The following FAM162A variants were observed in gnomAD, a reference collection of about 807,000 sequenced individuals.
FAM162A encodes the protein protein FAM162A.
FAM162A carries 23 observed loss-of-function variants against 21.8 expected under a neutral mutation model. The ratio of observed to expected loss-of-function variants is 1.05; its 90% CI spans 0.76 to 1.49. The LOEUF (loss-of-function observed/expected upper bound fraction) is 1.49, where lower values mean the gene tolerates loss of function less well. FAM162A is among the 40% of genes most tolerant of loss of function. The pLI, the probability that FAM162A is intolerant of heterozygous loss-of-function variation, is 0.00. For synonymous variants in FAM162A, 53 were observed against 61.3 expected (o/e 0.86, Z 0.64); for missense variants, 165 against 186.4 (o/e 0.89, Z 0.67).
chr3:122,401,439 A>G (rs2075653256), intron 1 of FAM162A: 1 of 1,145,650 alleles, frequency 8.7e-7, no homozygotes, highest in Non-Finnish European at 1.1e-6. Flanking sequence ...AGGGAGAGAG[A>G]TCAGGCTTGA....
At chr3:122,390,699 T>A (rs79493664) in intron 1 of FAM162A, among the ~76,000 whole-genome samples, 18,221 of 152,224 alleles carry the variant, frequency 0.12, 1,336 homozygotes, top group East Asian at 0.32. Context: ...CACCATTACC[T>A]GGGCAATTGT....
At chr3:122,388,078 C>T (rs952993290) in intron 1 of FAM162A, among the ~76,000 whole-genome samples, 2 of 152,174 alleles carry the variant, frequency 1.3e-5, no homozygotes, top group Admixed American at 6.5e-5. Flanking sequence ...ACACAAGAAA[C>T]ATTTCTGGAA....
intron 3 of FAM162A, among the ~76,000 whole-genome samples, chr3:122,406,793 A>G (rs2075677931): frequency 6.6e-6 from 1 of 152,186 alleles, no homozygotes; most frequent in African/African-American, 2.4e-5. Context: ...ATCATTCTGA[A>G]TTGTGCTTTG....
At chr3:122,392,921 CAGTT>C (rs1340305154) in intron 1 of FAM162A, among the ~76,000 whole-genome samples, 1 of 152,068 alleles carries the variant, frequency 6.6e-6, no homozygotes, top group Non-Finnish European at 1.5e-5. Flanking sequence ...ATAAACTTAA[CAGTT>C]AGAGAGCCTG....
intron 1 of FAM162A, among the ~76,000 whole-genome samples, chr3:122,389,420 TAGATAGATAGATAGATG>T (rs1356385223): frequency 6.7e-6 from 1 of 148,278 alleles, no homozygotes; most frequent in Middle Eastern, 3.2e-3. Flanking sequence ...GATAGATAGA[TAGATAGATAGATAGATG>T]AGATAGATAG....
intron 1 of FAM162A, among the ~76,000 whole-genome samples, chr3:122,391,248 A>G (rs1358696042): frequency 6.6e-6 from 1 of 152,192 alleles, no homozygotes; most frequent in African/African-American, 2.4e-5. Context: ...GCTGAAGTGC[A>G]GTGGCATGAT....
Position 122,396,722 on chromosome 3 carries a change from A to G in FAM162A, c.35-6038A>G, listed in dbSNP as rs559922768. 2.0e-5 allele frequency among the ~76,000 whole-genome samples: 3 copies of G among 152,360 alleles called. No individual in the cohort carries two copies. In the South Asian group the frequency reaches 6.2e-4, roughly 32 times the overall value. On this transcript the variant is annotated intron_variant, in intron 1 of 4. Transcript: ENST00000477892. Reference sequence around the variant, plus strand: ...TATTCATAATAGCCAAAAAGTGGAAACCACCCAAATGTCCATTAGTTGACT... The same window carrying G: ...TATTCATAATAGCCAAAAAGTGGAAGCCACCCAAATGTCCATTAGTTGACT...
chr3:122,409,221 G>A (rs1168845298), intron 4 of FAM162A, among the ~76,000 whole-genome samples: 3 of 152,160 alleles, frequency 2.0e-5, no homozygotes, highest in Non-Finnish European at 4.4e-5. Context: ...GGTTGGAATT[G>A]TAGTACAGAT....
At chr3:122,386,570 A>AGAAAAG (rs371860244) in intron 1 of FAM162A, among the ~76,000 whole-genome samples, 1 of 150,574 alleles carries the variant, frequency 6.6e-6, no homozygotes, top group African/African-American at 2.5e-5. Flanking sequence ...AAAAAAAAAA[A>AGAAAAG]AAAAGAAAAG....
At chr3:122,391,482 A>G (rs1040363118) in intron 1 of FAM162A, among the ~76,000 whole-genome samples, 9 of 152,260 alleles carry the variant, frequency 5.9e-5, no homozygotes, top group Non-Finnish European at 1.3e-4. Context: ...TCTAATATCT[A>G]TAATAAGATA....
intron 1 of FAM162A, among the ~76,000 whole-genome samples, chr3:122,388,931 C>T (rs1219296407): frequency 6.6e-6 from 1 of 152,004 alleles, no homozygotes; most frequent in Non-Finnish European, 1.5e-5. Context: ...CGCCTGTAGT[C>T]CCAGCTACTC....
chr3:122,405,101 G>C (rs772717125), intron 3 of FAM162A, among the ~76,000 whole-genome samples: 3 of 152,204 alleles, frequency 2.0e-5, no homozygotes, highest in Non-Finnish European at 4.4e-5. Flanking sequence ...TTGAGAACCA[G>C]TGCCCTAGCC....
At chr3:122,409,633 ACTCCATGC>A (rs1470425518) in intron 4 of FAM162A, 98 bp from the exon 5 acceptor site, 19 of 893,234 alleles carry the variant, frequency 2.1e-5, no homozygotes, top group Non-Finnish European at 3.3e-5. Flanking sequence ...GCAGCAGAGG[ACTCCATGC>A]CTCCATGCCT....
At chr3:122,387,494 C>T (rs1228553374) in intron 1 of FAM162A, among the ~76,000 whole-genome samples, 1 of 152,222 alleles carries the variant, frequency 6.6e-6, no homozygotes, top group East Asian at 1.9e-4. Context: ...AGAAGGGAAT[C>T]AGCTTGCCAA....
intron 3 of FAM162A, among the ~76,000 whole-genome samples, chr3:122,404,941 G>A (rs944061671): frequency 1.7e-4 from 26 of 152,298 alleles, no homozygotes; most frequent in Admixed American, 7.8e-4. Context: ...TGTGGCAGGG[G>A]GGTGTCCTAT....
chr3:122,407,623 G>C (rs1576253976), intron 4 of FAM162A: 3 of 498,354 alleles, frequency 6.0e-6, no homozygotes, highest in East Asian at 5.9e-5. Flanking sequence ...GATTCATTTT[G>C]TGTAATGTAA....
chr3:122,407,287 G>A lies in FAM162A; in HGVS notation c.270G>A (p.Glu90=). ...GATCTCATTGTATTACTAGGTTGGA[G>A]ATGCTTGATGCTGCAAAGAACAAGA... ...EDEIPETVSL[E]MLDAAKNKMR... is the part of the protein sequence containing the mutation. The change falls in exon 4 of 5, where the codon GAG becomes GAA. Residue 90 remains glutamate (E), a synonymous_variant. Transcript: ENST00000477892. 6.2e-7 allele frequency: 1 copy of A among 1,613,712 alleles called. No homozygotes were observed. Among genetic ancestry groups the A allele is most frequent in the Non-Finnish European group, 8.5e-7 (1 of 1,179,730 alleles).
In FAM162A at chr3:122,407,281, G is replaced by A; in HGVS notation, c.264G>A (p.Ser88=). 1 of 1,613,366 alleles carries A rather than the reference G, an allele frequency of 6.2e-7. No individual in the cohort carries two copies. The highest frequency in any genetic ancestry group is 8.5e-7 in the Non-Finnish European group (1 of 1,179,414). ...TCTCATGATCTCATTGTATTACTAG[G>A]TTGGAGATGCTTGATGCTGCAAAGA... ...KKEDEIPETV[S]LEMLDAAKNK... is the part of the protein sequence containing the mutation. The change falls in exon 4 of 5, where the codon TCG becomes TCA. Residue 88 remains serine (S), a splice_region_variant and synonymous_variant. Coordinates refer to ENST00000477892, the MANE Select transcript of FAM162A (RefSeq NM_014367.4).
At chr3:122,395,265 G>A (rs184828129) in intron 1 of FAM162A, among the ~76,000 whole-genome samples, 16 of 152,240 alleles carry the variant, frequency 1.1e-4, no homozygotes, top group Middle Eastern at 3.4e-3. Context: ...GGAGGTTCTC[G>A]TTAGGGAATT....
Sources: allele counts gnomAD v4.1 joint callset (sites outside exome capture counted in the v4.1 genomes callset), GRCh38; gene constraint gnomAD v4.1.1; transcripts MANE v1.5; gene names NCBI Gene and HGNC (gene_info 2026-07-23, HGNC 2026-07-21).